PAK4: variants seen among roughly 807,000 people sequenced by gnomAD.
The protein encoded by PAK4 is serine/threonine-protein kinase PAK 4.
A neutral mutation model predicts 53.5 loss-of-function variants in PAK4; 49 were observed. The ratio of observed to expected loss-of-function variants is 0.92; its 90% CI spans 0.73 to 1.16. The LOEUF is 1.16. Among genes scored for constraint, PAK4 ranks in the 50% most tolerant of loss-of-function variants. The pLI, the probability that PAK4 is intolerant of heterozygous loss-of-function variation, is 0.00. For synonymous variants in PAK4, 376 were observed against 375.6 expected (o/e 1.00, Z -0.01); for missense variants, 824 against 850.7 (o/e 0.97, Z 0.39).
chr19:39,181,921 G>A (rs1301984028), downstream of PAK4: 2 of 152,258 alleles, frequency 1.3e-5, no homozygotes, highest in Non-Finnish European at 2.9e-5. Context: ...TTCTCACAGT[G>A]TGGTTCCCAG....
chr19:39,179,539 G>C (rs1356706636), downstream of PAK4: 1 of 152,030 alleles, frequency 6.6e-6, no homozygotes, highest in Admixed American at 6.6e-5. Context: ...TGGGGAGTGG[G>C]GAGTTCAGGT....
At chr19:39,179,895 A>C (rs895235758), downstream of PAK4, 1 of 152,252 alleles carries the variant, frequency 6.6e-6, no homozygotes, top group Non-Finnish European at 1.5e-5. Context: ...GCTGGGGGGA[A>C]TCTGACTGGC....
At position 39,175,347 on chromosome 19, in the gene PAK4, C is replaced by A. The variant is rs2074582721; in HGVS notation, c.1268C>A (p.Ala423Glu). Residue 423 changes from alanine to glutamate, a missense_variant, in exon 6 of 9, where the codon GCA (alanine) becomes GAA (glutamate). Around this residue, in one of 2 missense-constraint regions of PAK4, gnomAD observed 346 missense variants for 415.0 expected, o/e 0.83. Transcript: ENST00000358301. This position sits in a 1 kb window ranked among gnomAD's most constrained non-coding sequence, Gnocchi z 4.7. ...GAGCAGATCGCGGCCGTGTGCCTTG[C>A]AGTGCTGCAGGCCCTGTCGGTGCTC... 1 of 1,600,462 alleles carries A rather than the reference C, an allele frequency of 6.2e-7. No individual in the cohort carries two copies. The highest frequency in any genetic ancestry group is 1.1e-5 in the South Asian group (1 of 88,694).
intron 1 of PAK4, among the ~76,000 whole-genome samples, chr19:39,134,528 T>C (rs1254476371): frequency 6.7e-6 from 1 of 149,986 alleles, no homozygotes; most frequent in African/African-American, 2.5e-5. Flanking sequence ...GTGCTTTCTT[T>C]CGCCCTTAGG....
intron 1 of PAK4, among the ~76,000 whole-genome samples, chr19:39,149,924 CAG>C (rs2145184701): frequency 6.6e-6 from 1 of 152,156 alleles, no homozygotes; most frequent in South Asian, 2.1e-4. Flanking sequence ...CAGAGGTTAT[CAG>C]GGTTTGAGGG....
intron 1 of PAK4, among the ~76,000 whole-genome samples, chr19:39,143,832 C>T (rs1286219593): frequency 6.6e-6 from 1 of 151,464 alleles, no homozygotes; most frequent in Non-Finnish European, 1.5e-5. Flanking sequence ...TGTAAAAGGG[C>T]GTGGTGGCAT....
intron 6 of PAK4, among the ~76,000 whole-genome samples, chr19:39,176,275 G>A (rs2074602650): frequency 6.6e-6 from 1 of 152,214 alleles, no homozygotes; most frequent in Non-Finnish European, 1.5e-5. Context: ...GGCTTTTGGG[G>A]CCACCCCTGT....
intron 1 of PAK4, among the ~76,000 whole-genome samples, chr19:39,158,199 G>A (rs934387611): frequency 6.6e-6 from 1 of 152,050 alleles, no homozygotes; most frequent in Non-Finnish European, 1.5e-5. Context: ...GAGCGTGCAT[G>A]TATGTGCATG....
exon 2 of PAK4, chr19:39,169,744 C>T: frequency 1.2e-6 from 2 of 1,602,308 alleles, no homozygotes; most frequent in Non-Finnish European, 8.5e-7. Context: ...TCCATCCAGC[C>T]CGGGGCCCCC....
chr19:39,136,843 G>A lies in PAK4; in HGVS notation c.-23+10924G>A, dbSNP rs771177329. On this transcript the variant is annotated intron_variant, in intron 1 of 8. Coordinates refer to ENST00000358301, the Ensembl canonical transcript of PAK4. ...GGACCCGCCCTGGGTGGGGCACACC[G>A]GGAAGGTTTTCCTGAGGAGGAAATG... Among the ~76,000 whole-genome samples, 6 of 152,330 alleles carry A rather than the reference G, an allele frequency of 3.9e-5. No individual in the cohort carries two copies. In the East Asian group the frequency reaches 5.8e-4, roughly 15 times the overall value.
At chr19:39,125,993 G>C (rs1423550523) in intron 1 of PAK4, 74 bp downstream of exon 1, 1 of 153,300 alleles carries the variant, frequency 6.5e-6, no homozygotes. Flanking sequence ...CCGCGAGGAG[G>C]GGGGCGGGGC....
intron 2 of PAK4, 67 bp downstream of exon 3, chr19:39,169,824 C>CTGTGACCGA: frequency 8.8e-7 from 1 of 1,140,346 alleles, no homozygotes; most frequent in Non-Finnish European, 1.2e-6. Context: ...GCCCTCAACC[C>CTGTGACCGA]CACACTCGAC....
At chr19:39,158,343 G>A (rs756678633) in intron 1 of PAK4, among the ~76,000 whole-genome samples, 18 of 152,324 alleles carry the variant, frequency 1.2e-4, no homozygotes, top group Non-Finnish European at 2.1e-4. Flanking sequence ...ATGTCCTGGC[G>A]TCTGTGCACG....
At chr19:39,147,560 A>T (rs2074021049) in intron 1 of PAK4, among the ~76,000 whole-genome samples, 1 of 152,178 alleles carries the variant, frequency 6.6e-6, no homozygotes, top group Non-Finnish European at 1.5e-5. Flanking sequence ...TGTTTTAAGA[A>T]AACCATCAAA....
chr19:39,158,122 T>C (rs1365907705), intron 1 of PAK4, among the ~76,000 whole-genome samples: 1 of 150,666 alleles, frequency 6.6e-6, no homozygotes, highest in Non-Finnish European at 1.5e-5. Flanking sequence ...ATTGTGTGAG[T>C]GCGTGCGTGC....
At chr19:39,129,867 A>G (rs981434822) in intron 1 of PAK4, among the ~76,000 whole-genome samples, 1 of 152,142 alleles carries the variant, frequency 6.6e-6, no homozygotes, top group Non-Finnish European at 1.5e-5. Flanking sequence ...ACCTCTCAGG[A>G]GGGAGGCAGG....
chr19:39,152,127 G>T (rs1221848713), intron 1 of PAK4: 1 of 151,078 alleles, frequency 6.6e-6, no homozygotes, highest in Non-Finnish European at 1.5e-5. Flanking sequence ...TAGAGACGAG[G>T]TCTCCCTATA....
intron 1 of PAK4, among the ~76,000 whole-genome samples, chr19:39,131,203 GTGGTT>G (rs2073703913): frequency 6.6e-6 from 1 of 152,124 alleles, no homozygotes; most frequent in Non-Finnish European, 1.5e-5. Context: ...CTGCCCTCCC[GTGGTT>G]TGGAACTGGC....
downstream of PAK4, chr19:39,181,574 C>G (rs943332487): frequency 7.2e-5 from 11 of 152,322 alleles, no homozygotes; most frequent in Admixed American, 7.2e-4. Flanking sequence ...TGGCTTCTTC[C>G]AGCTTCCCAC....
Sources: allele counts gnomAD v4.1 joint callset (sites outside exome capture counted in the v4.1 genomes callset), GRCh38; gene constraint gnomAD v4.1.1; regional missense constraint gnomAD v4.1.1; non-coding constraint Gnocchi (gnomAD v3.1); transcripts MANE v1.5; gene names NCBI Gene and HGNC (gene_info 2026-07-23, HGNC 2026-07-21).